NRG4: variants seen among roughly 807,000 people sequenced by gnomAD.
NRG4 encodes the protein pro-neuregulin-4, membrane-bound isoform.
In NRG4, 10 loss-of-function variants were observed where a neutral mutation model predicts 15.0. The ratio of observed to expected loss-of-function variants is 0.67; its 90% confidence interval spans 0.41 to 1.13. The LOEUF (loss-of-function observed/expected upper bound fraction) is 1.13. Among genes scored for constraint, NRG4 ranks in the 50% most tolerant of loss-of-function variants. The probability of loss-of-function intolerance (pLI) is 0.00; values close to 1 mark genes in which losing one functional copy is unlikely to be tolerated. For missense variants in NRG4, 139 were observed against 140.2 expected (o/e 0.99, Z 0.04); for synonymous variants, 41 against 50.1 (o/e 0.82, Z 0.77).
intron 3 of NRG4, among the ~76,000 whole-genome samples, chr15:75,995,197 CAA>C (rs781740800): frequency 7.2e-6 from 1 of 139,854 alleles, no homozygotes; most frequent in African/African-American, 2.6e-5. Context: ...GACCCTGTCT[CAA>C]AAAAAAAAAG....
In NRG4 at chr15:76,026,816, G is replaced by A. The variant is rs116133192; in HGVS notation, c.-57+9128C>T. Among the ~76,000 whole-genome samples, 1,058 of 152,200 alleles carry A rather than the reference G, an allele frequency of 7.0e-3. 18 individuals carry two copies. Among genetic ancestry groups the A allele is most frequent in the African/African-American group, 0.023 (966 of 41,520 alleles). On this transcript the variant is annotated intron_variant, in intron 5 of 8. Transcript: ENST00000563910. ...TCCATTTAAAAGATATAGATTGGCCGAAAGGATAAAAAATAAAAACAAGAG... is the reference window on the plus strand; with the variant it reads ...TCCATTTAAAAGATATAGATTGGCCAAAAGGATAAAAAATAAAAACAAGAG...
chr15:76,004,098 CAATA>C (rs1218293198), intron 3 of NRG4, among the ~76,000 whole-genome samples: 2 of 152,060 alleles, frequency 1.3e-5, no homozygotes, highest in Non-Finnish European at 2.9e-5. Flanking sequence ...TTGTGGCACA[CAATA>C]TATAAAAATA....
At chr15:75,970,817 G>C (rs2033057773) in intron 3 of NRG4, among the ~76,000 whole-genome samples, 1 of 152,206 alleles carries the variant, frequency 6.6e-6, no homozygotes, top group South Asian at 2.1e-4. Context: ...CTTGCTCAAA[G>C]AATCTCGTAA....
At chr15:75,996,239 A>G (rs1040618598) in intron 3 of NRG4, among the ~76,000 whole-genome samples, 5 of 152,164 alleles carry the variant, frequency 3.3e-5, no homozygotes, top group African/African-American at 1.2e-4. Flanking sequence ...ATCAATGTGT[A>G]TCTGCTGTGA....
Position 76,009,211 on chromosome 15 carries a change from G to A in NRG4, c.93C>T (p.Ser31=). Residue 31 remains serine (S), a synonymous_variant, in exon 3 of 6, where the codon AGC becomes AGT. Coordinates refer to ENST00000394907, the MANE Select transcript of NRG4 (RefSeq NM_138573.4). ...GLCYVIPTIP[S]PFCRCVENYT... ...TCCATTTCACTCACCTACAAAATGG[G>A]CTGGGAATAGTAGGTATCACATAAC... The A allele has an allele frequency of 6.4e-7, 1 of 1,553,574 alleles. No homozygotes were observed. Among genetic ancestry groups the A allele is most frequent in the Non-Finnish European group, 8.9e-7 (1 of 1,124,992 alleles).
chr15:76,059,953 C>T (rs1490509839), upstream of NRG4: 1 of 149,126 alleles, frequency 6.7e-6, no homozygotes, highest in Non-Finnish European at 1.5e-5. Flanking sequence ...GAGGGGAGCC[C>T]CGGGAGCGCG....
At chr15:75,972,289 A>G (rs963411550) in intron 3 of NRG4, among the ~76,000 whole-genome samples, 1 of 152,068 alleles carries the variant, frequency 6.6e-6, no homozygotes, top group Non-Finnish European at 1.5e-5. Context: ...AGATGGATAG[A>G]TTGCAAAAAT....
intron 3 of NRG4, among the ~76,000 whole-genome samples, chr15:75,965,115 A>G (rs1317211423): frequency 6.6e-6 from 1 of 151,708 alleles, no homozygotes; most frequent in African/African-American, 2.4e-5. Context: ...AGTCCCAGCT[A>G]CTTGCAGGCT....
chr15:75,951,591 C>G (rs966770493), intron 5 of NRG4, among the ~76,000 whole-genome samples: 1 of 152,158 alleles, frequency 6.6e-6, no homozygotes, highest in East Asian at 1.9e-4. Context: ...TCTATCTTAA[C>G]TGGGTGACTT....
chr15:75,965,872 G>A (rs551772321), intron 3 of NRG4, among the ~76,000 whole-genome samples: 9 of 152,300 alleles, frequency 5.9e-5, no homozygotes, highest in East Asian at 1.9e-4. Flanking sequence ...CCAGAACTAC[G>A]TAGCTCTCAG....
intron 3 of NRG4, among the ~76,000 whole-genome samples, chr15:75,976,496 G>T (rs930170900): frequency 6.6e-5 from 10 of 152,130 alleles, no homozygotes; most frequent in Non-Finnish European, 1.3e-4. Flanking sequence ...GGTCTTTGAT[G>T]CTGTTGACCT....
chr15:76,016,680 G>T (rs1340194552), upstream of NRG4, among the ~76,000 whole-genome samples: 1 of 152,128 alleles, frequency 6.6e-6, no homozygotes, highest in Non-Finnish European at 1.5e-5. Context: ...GTTCTAATTT[G>T]ATTGCACTGT....
intron 5 of NRG4, among the ~76,000 whole-genome samples, chr15:75,944,495 G>A (rs1051269408): frequency 6.6e-6 from 1 of 152,134 alleles, no homozygotes; most frequent in Non-Finnish European, 1.5e-5. Context: ...TGCCCGGGGA[G>A]GCTTACATTC....
intron 4 of NRG4, among the ~76,000 whole-genome samples, chr15:76,050,674 G>T (rs888026703): frequency 7.3e-6 from 1 of 137,452 alleles, no homozygotes; most frequent in Admixed American, 7.5e-5. Flanking sequence ...TTGAACTCCT[G>T]ACCTCCTGAT....
chr15:75,997,105 A>G (rs1043980923), intron 3 of NRG4, among the ~76,000 whole-genome samples: 1 of 152,130 alleles, frequency 6.6e-6, no homozygotes, highest in Non-Finnish European at 1.5e-5. Context: ...TATACATTTA[A>G]TGAGAGAAAA....
chr15:75,942,171 TAAA>T lies in NRG4; in HGVS notation c.*1464_*1466del, dbSNP rs2031056131. On this transcript the variant is annotated 3_prime_UTR_variant, in exon 6 of 6. Coordinates refer to ENST00000394907, the MANE Select transcript of NRG4 (RefSeq NM_138573.4). ...AGGTTCAGTGGGAGAGAGGGAGGGG[TAAA>T]TACATGGAGTAGAGATTTTTAGGGT... The T allele has an allele frequency of 6.6e-6, 1 of 151,702 alleles. No homozygotes were observed. The highest frequency in any genetic ancestry group is 1.9e-4 in the East Asian group (1 of 5,176). The allele number at this position is 151,702 out of a possible 1,614,324, so 9.4% of individuals were successfully genotyped here. A position where few individuals can be genotyped will look rare whatever the true frequency, so the allele number is the denominator to read the frequency against.
downstream of NRG4, chr15:75,938,860 TAAAC>T (rs758031809): frequency 2.0e-5 from 3 of 151,954 alleles, no homozygotes; most frequent in Admixed American, 6.5e-5. Context: ...TTGTGGAAAT[TAAAC>T]AAAACACTCA....
At chr15:76,018,059 C>T (rs933644606) in intron 5 of NRG4, among the ~76,000 whole-genome samples, 10 of 152,234 alleles carry the variant, frequency 6.6e-5, no homozygotes, top group African/African-American at 2.4e-4. Context: ...TGTCTTCACA[C>T]TTTATTTCAT....
chr15:75,984,145 C>T (rs2033706243), intron 3 of NRG4, among the ~76,000 whole-genome samples: 3 of 151,978 alleles, frequency 2.0e-5, no homozygotes, highest in South Asian at 4.2e-4. Flanking sequence ...TTGTACAGAC[C>T]CATAGAATGT....
Sources: gnomAD v4.1 joint callset for allele counts (sites outside exome capture counted in the v4.1 genomes callset) on GRCh38, gnomAD v4.1.1 for gene constraint, MANE v1.5 for transcripts, NCBI Gene and HGNC (gene_info 2026-07-23, HGNC 2026-07-21) for gene names.